Variants in PKD1L3 observed in about 807,000 individuals in gnomAD.
The protein encoded by PKD1L3 is polycystin 1 like 3, transient receptor potential channel interacting, also known as polycystin-1-like protein 3.
A neutral mutation model predicts 184.1 loss-of-function variants in PKD1L3; 239 were observed. The ratio of observed to expected loss-of-function variants is 1.30; its 90% CI spans 1.17 to 1.45. The LOEUF is 1.45. Ranked by LOEUF, PKD1L3 falls within the 40% of genes most tolerant of loss-of-function variation. PKD1L3 has a pLI of 0.00. For missense variants in PKD1L3, 2,660 were observed against 2,067.2 expected (o/e 1.29, Z -5.56); for synonymous variants, 996 against 778.8 (o/e 1.28, Z -4.64).
At chr16:71,994,386 T>A (rs2040705332) in intron 2 of PKD1L3, among the ~76,000 whole-genome samples, 1 of 152,276 alleles carries the variant, frequency 6.6e-6, no homozygotes, top group East Asian at 1.9e-4. Context: ...AGTCCTTCCA[T>A]GACTCTGACC....
chr16:71,974,760 G>A (rs1375750645), intron 11 of PKD1L3, among the ~76,000 whole-genome samples: 2 of 152,214 alleles, frequency 1.3e-5, no homozygotes, highest in African/African-American at 4.8e-5. Flanking sequence ...AGATTCTGTA[G>A]TGGGCAGCCT....
chr16:71,990,385 C>A, intron 3 of PKD1L3, 56 bp from the exon 4 acceptor site: 2 of 1,411,572 alleles, frequency 1.4e-6, no homozygotes, highest in Admixed American at 2.2e-5. Context: ...CAGAAATATT[C>A]GTTTTACTTG....
rs548441974 is a variant in PKD1L3, at chr16:71,949,927, C to G, written c.3474G>C (p.Trp1158Cys). 1 of 1,551,662 alleles carries G rather than the reference C, an allele frequency of 6.4e-7. No homozygotes were observed. The highest frequency in any genetic ancestry group is 8.7e-7 in the Non-Finnish European group (1 of 1,146,998). Residue 1158 changes from tryptophan to cysteine, a missense_variant, in exon 21 of 30, where the codon TGG becomes TGC. Trp to Cys is a radical substitution (Grantham distance 215, BLOSUM62 -2). Coordinates refer to ENST00000620267, the MANE Select transcript of PKD1L3 (RefSeq NM_181536.2). ...GLSKWLTSVCWLLLGFTSLAS... is the reference protein window; with the variant it reads ...GLSKWLTSVCCLLLGFTSLAS... ...CCAGGCTAGTGAAACCTAAGAGGAG[C>G]CAGCAGACTGAAGTCAACCATTTGG...
chr16:71,934,326 C>G (rs766405230), intron 26 of PKD1L3, among the ~76,000 whole-genome samples: 73 of 152,154 alleles, frequency 4.8e-4, no homozygotes, highest in Non-Finnish European at 8.8e-4. Context: ...TTCAAGTGAT[C>G]TACCTGCTGC....
At position 71,944,312 on chromosome 16, in the gene PKD1L3, C is replaced by G. The variant is rs1036670958; in HGVS notation, c.3719-142G>C. 4.8e-5 allele frequency: 40 copies of G among 826,296 alleles called. 1 individual carries two copies. Among genetic ancestry groups the G allele is most frequent in the Non-Finnish European group, 7.2e-5 (38 of 525,366 alleles). 51.2% of individuals were successfully genotyped at this position (826,296 alleles called of 1,614,324 possible). ...CTACCTATGCAGTGCTTCTTAAACT[C>G]TCTATTATAAAGGACCTGTTTTTTA... is the stretch of plus-strand genomic sequence containing the variant. On this transcript the variant is annotated intron_variant, in intron 22 of 29. Transcript: ENST00000620267.
intron 28 of PKD1L3, chr16:71,931,154 G>A (rs1371894826): frequency 2.0e-5 from 3 of 152,088 alleles, no homozygotes; most frequent in African/African-American, 7.2e-5. Context: ...TACATCCAAA[G>A]CAGAAAAGTT....
chr16:71,945,677 C>CATAA (rs1051372836), intron 22 of PKD1L3, among the ~76,000 whole-genome samples: 2 of 151,542 alleles, frequency 1.3e-5, no homozygotes, highest in Non-Finnish European at 2.9e-5. Flanking sequence ...GACTCCATCT[C>CATAA]ATAAATAAAT....
At chr16:71,945,388 A>G (rs1198351984) in intron 22 of PKD1L3, among the ~76,000 whole-genome samples, 14 of 65,992 alleles carry the variant, frequency 2.1e-4, no homozygotes, top group Admixed American at 1.6e-3. Flanking sequence ...ACACACATAT[A>G]TATATATATA....
chr16:71,964,165 CT>C lies in PKD1L3; in HGVS notation c.2466-815del, dbSNP rs141189647. ...CTGCTAACTTCAGCCGTTCACACCC[CT>C]GTCCTCTGGGACACCTGATTATTCA... On this transcript the variant is annotated intron_variant, in intron 15 of 29. Coordinates refer to ENST00000620267, the MANE Select transcript of PKD1L3 (RefSeq NM_181536.2). Among the ~76,000 whole-genome samples, 576 of 152,260 alleles carry C rather than the reference CT, an allele frequency of 3.8e-3. 4 individuals are homozygous for C. Among genetic ancestry groups the C allele is most frequent in the African/African-American group, 0.013 (555 of 41,552 alleles).
At chr16:71,959,182 T>G (rs1371717093) in intron 16 of PKD1L3, among the ~76,000 whole-genome samples, 1 of 149,218 alleles carries the variant, frequency 6.7e-6, no homozygotes, top group African/African-American at 2.5e-5. Context: ...GAGGCCAAGG[T>G]GGGTGGATCA....
At position 71,954,312 on chromosome 16, in the gene PKD1L3, A is replaced by G. The variant is rs965784177; in HGVS notation, c.2613-11T>C. Reference sequence around the variant, plus strand: ...GAGGAAAACAGATGTCTGAAAAGAGAAATCAGAAGAGGAAATACATGAGAT... The same window carrying G: ...GAGGAAAACAGATGTCTGAAAAGAGGAATCAGAAGAGGAAATACATGAGAT... On this transcript the variant is annotated splice_polypyrimidine_tract_variant and intron_variant, in intron 16 of 29. Coordinates refer to ENST00000620267, the MANE Select transcript of PKD1L3 (RefSeq NM_181536.2). 7 of 1,510,882 alleles carry G rather than the reference A, an allele frequency of 4.6e-6. No homozygotes were observed. In the African/African-American group the frequency reaches 5.6e-5, roughly 12 times the overall value. 93.6% of individuals were successfully genotyped at this position (1,510,882 alleles called of 1,614,324 possible). A position where few individuals can be genotyped will look rare whatever the true frequency, so the allele number is the denominator to read the frequency against.
chr16:71,999,862 T>C lies in PKD1L3; in HGVS notation c.117A>G (p.Arg39=). The C allele has an allele frequency of 6.4e-7, 1 of 1,551,762 alleles. No homozygotes were observed. Among genetic ancestry groups the C allele is most frequent in the Non-Finnish European group, 8.7e-7 (1 of 1,147,012 alleles). ...GTGCTTCCTCAAAGCTGCATTGAAA[T>C]CTGTTAAGCTGGTAACAATTATTTT... The part of the protein sequence containing the change: ...HGQNNCYQLN[R]FQCSFEEAQH... The change falls in exon 1 of 30, where the codon AGA becomes AGG. Residue 39 remains arginine (R), a synonymous_variant. Coordinates refer to ENST00000620267, the MANE Select transcript of PKD1L3 (RefSeq NM_181536.2).
chr16:71,937,625 A>C lies in PKD1L3; in HGVS notation c.4325-206T>G, dbSNP rs532806416. Among the ~76,000 whole-genome samples, 5 of 152,310 alleles carry C rather than the reference A, an allele frequency of 3.3e-5. No individual in the cohort carries two copies. In the East Asian group the frequency reaches 7.7e-4, roughly 24 times the overall value. On this transcript the variant is annotated intron_variant, in intron 24 of 29. Coordinates refer to ENST00000620267, the MANE Select transcript of PKD1L3 (RefSeq NM_181536.2). ...GCTATTGGAGAAATACTGGTTTTAC[A>C]AAAGTCAGTAGTGGGAAAGGATATG...
chr16:71,983,992 T>C (rs780559741), intron 6 of PKD1L3, 44 bp downstream of exon 6: 2 of 1,545,274 alleles, frequency 1.3e-6, no homozygotes, highest in South Asian at 2.4e-5. Flanking sequence ...TTTCCGCTTT[T>C]CCCTCTCTCC....
intron 15 of PKD1L3, among the ~76,000 whole-genome samples, chr16:71,965,847 C>A (rs1383909597): frequency 1.3e-5 from 2 of 152,110 alleles, no homozygotes; most frequent in African/African-American, 2.4e-5. Context: ...AGCCACTGTG[C>A]CTGGCCTTTT....
chr16:71,942,987 G>C lies in PKD1L3; in HGVS notation c.3897C>G (p.Ile1299Met). Reference sequence around the variant, plus strand: ...ATCTATTGGAGTTCTTTGCAGAGTAGATTGCAGTCATCAACAGGGTAAGGA... The same window carrying C: ...ATCTATTGGAGTTCTTTGCAGAGTACATTGCAGTCATCAACAGGGTAAGGA... ...ILFLTLLMTA[I>M]YSAKNSNRFY... The change falls in exon 24 of 30, where the codon ATC becomes ATG. Residue 1299 changes from isoleucine to methionine, a missense_variant. By Grantham distance (10) the Ile-to-Met change is conservative. Coordinates refer to ENST00000620267, the MANE Select transcript of PKD1L3 (RefSeq NM_181536.2). The C allele has an allele frequency of 6.4e-7, 1 of 1,551,476 alleles. No individual in the cohort carries two copies. Among genetic ancestry groups the C allele is most frequent in the Non-Finnish European group, 8.7e-7 (1 of 1,146,872 alleles).
rs781771580 is a variant in PKD1L3, at chr16:71,949,851, C to T, written c.3550G>A (p.Ala1184Thr). 1.9e-6 allele frequency: 3 copies of T among 1,551,462 alleles called. No individual in the cohort carries two copies. In the East Asian group the frequency reaches 7.3e-5, roughly 38 times the overall value. Residue 1184 changes from alanine (A) to threonine (T), a missense_variant, in exon 21 of 30, where the codon GCC (alanine) becomes ACC (threonine). Ala to Thr is a moderately conservative substitution (Grantham distance 58). Transcript: ENST00000620267. ...ATAATTGAAATCATCCAGCTGGTGG[C>T]TTGGTCTTTGCTCAATTCCAAGCTA... is the stretch of plus-strand genomic sequence containing the variant. The part of the protein sequence containing the change: ...LYSLELSKDQ[A>T]TSWMISIILS...
chr16:71,948,273 C>A (rs899010056), intron 21 of PKD1L3, among the ~76,000 whole-genome samples: 2 of 152,030 alleles, frequency 1.3e-5, no homozygotes, highest in African/African-American at 4.8e-5. Context: ...AGTAGAGACA[C>A]GGTTTCGCCA....
rs1438774575 is a variant in PKD1L3, at chr16:71,934,028, G to A, written c.4711C>T (p.Leu1571=). The change falls in exon 27 of 30, where the codon CTG becomes TTG. Residue 1571 remains leucine (L), a synonymous_variant. Transcript: ENST00000620267. ...ACCCGCAGCCTGGGGCTATGACGCA[G>A]CAGGTTCCATAACTGAACAGTTGCC... ...LLATVQLWNL[L]RHSPRLRVIS... The A allele has an allele frequency of 5.2e-6, 8 of 1,551,730 alleles. No homozygotes were observed. The East Asian group carries it at 2.0e-4, about 38-fold the overall frequency.
Sources: gnomAD v4.1 joint callset for allele counts (sites outside exome capture counted in the v4.1 genomes callset) on GRCh38, gnomAD v4.1.1 for gene constraint, MANE v1.5 for transcripts, NCBI Gene and HGNC (gene_info 2026-07-23, HGNC 2026-07-21) for gene names.